The following KIF27 variants were observed in gnomAD, a reference collection of about 807,000 sequenced individuals.
KIF27 encodes kinesin-like protein KIF27.
KIF27 carries 84 observed loss-of-function variants against 141.8 expected under a neutral mutation model. That is an observed-to-expected ratio of 0.59 (90% CI 0.50 to 0.71). The LOEUF is 0.71. Ranked by LOEUF, KIF27 falls within the 30% of genes least tolerant of loss-of-function variation. The probability of loss-of-function intolerance (pLI) is 0.00; values close to 1 mark genes in which losing one functional copy is unlikely to be tolerated. For missense variants in KIF27, 1,306 were observed against 1,628.4 expected (o/e 0.80, Z 3.41); for synonymous variants, 471 against 569.5 (o/e 0.83, Z 2.46).
intron 11 of KIF27, among the ~76,000 whole-genome samples, chr9:83,873,385 T>C (rs1950953183): frequency 6.6e-6 from 1 of 152,204 alleles, no homozygotes; most frequent in South Asian, 2.1e-4. Context: ...CTGAGCCTTC[T>C]TATTCAAAAG....
At chr9:83,918,403 G>A (rs548755667) in intron 1 of KIF27, among the ~76,000 whole-genome samples, 2 of 151,924 alleles carry the variant, frequency 1.3e-5, no homozygotes, top group South Asian at 2.1e-4. Flanking sequence ...TTTGTGCCTC[G>A]AAGGAAACTA....
rs1206333297 is a variant in KIF27, at chr9:83,842,232, C to G, written c.3721+5G>C. The G allele has an allele frequency of 1.4e-5, 22 of 1,540,796 alleles. No individual in the cohort carries two copies. Among genetic ancestry groups the G allele is most frequent in the Non-Finnish European group, 1.9e-5 (22 of 1,153,348 alleles). ...TGTTAAGAGTGACAACACTAAAAGT[C>G]TTACACTCTGATGGTGCTAGTTGCC... On this transcript the variant is annotated splice_donor_5th_base_variant and intron_variant, in intron 17 of 17. Coordinates refer to ENST00000297814, the MANE Select transcript of KIF27 (RefSeq NM_017576.4).
At chr9:83,917,650 T>C (rs375727208) in intron 1 of KIF27, among the ~76,000 whole-genome samples, 2 of 152,240 alleles carry the variant, frequency 1.3e-5, no homozygotes, top group East Asian at 3.9e-4. Context: ...AAATAAACCC[T>C]CACATTCATG....
Position 83,848,271 on chromosome 9 carries a change from A to ATATAT in KIF27, c.3556+1827_3556+1828insATATA, listed in dbSNP as rs1947940741. Among the ~76,000 whole-genome samples, 10 of 110,250 alleles carry ATATAT rather than the reference A, an allele frequency of 9.1e-5. 2 individuals are homozygous for ATATAT. Among genetic ancestry groups the ATATAT allele is most frequent in the South Asian group, 2.6e-4 (1 of 3,834 alleles). 72.3% of individuals were successfully genotyped at this position (110,250 alleles called of 152,430 possible). Reference sequence around the variant, plus strand: ...TCAGATATGATATATATGATATATCAGATATGATATATATGATATATCAGA... The same window carrying ATATAT: ...TCAGATATGATATATATGATATATCATATATGATATGATATATATGATATATCAGA... On this transcript the variant is annotated intron_variant, in intron 16 of 17. Coordinates refer to ENST00000297814, the MANE Select transcript of KIF27 (RefSeq NM_017576.4).
chr9:83,881,542 T>G, intron 10 of KIF27, among the ~76,000 whole-genome samples: 1 of 152,244 alleles, frequency 6.6e-6, no homozygotes, highest in Non-Finnish European at 1.5e-5. Context: ...CAATTTGCAC[T>G]CCTCAGCATA....
chr9:83,869,682 A>T (rs111929152), intron 12 of KIF27, among the ~76,000 whole-genome samples: 1 of 152,124 alleles, frequency 6.6e-6, no homozygotes, highest in African/African-American at 2.4e-5. Context: ...AGCTGAGATC[A>T]TGCCACAGCA....
intron 14 of KIF27, among the ~76,000 whole-genome samples, chr9:83,856,937 A>G (rs1230993031): frequency 6.6e-6 from 1 of 151,420 alleles, no homozygotes; most frequent in African/African-American, 2.4e-5. Context: ...TGTTCTCATC[A>G]TAAAATGAGA....
chr9:83,919,472 G>T (rs974311955), intron 1 of KIF27, among the ~76,000 whole-genome samples: 4 of 152,134 alleles, frequency 2.6e-5, no homozygotes, highest in Non-Finnish European at 4.4e-5. Context: ...TTGAGGTGAG[G>T]TTAGGTTCTT....
intron 1 of KIF27, among the ~76,000 whole-genome samples, chr9:83,917,630 G>A (rs988139698): frequency 1.3e-5 from 2 of 152,152 alleles, no homozygotes; most frequent in African/African-American, 2.4e-5. Context: ...GAATAGAATT[G>A]AGAATCCAGA....
At chr9:83,858,618 T>A (rs1453023902) in intron 14 of KIF27, 3 of 152,730 alleles carry the variant, frequency 2.0e-5, no homozygotes, top group South Asian at 2.1e-4. Flanking sequence ...ACTATAGTTT[T>A]AAAAAAACTG....
At position 83,915,534 on chromosome 9, in the gene KIF27, C is replaced by T. The variant is rs1955600144; in HGVS notation, c.58G>A (p.Ala20Thr). The change falls in exon 2 of 18, where the codon GCT becomes ACT. Residue 20 changes from alanine to threonine, a missense_variant. Coordinates refer to ENST00000297814, the MANE Select transcript of KIF27 (RefSeq NM_017576.4). Reference protein sequence around the residue: ...VRIRPLLCKEALHNHQVCVRV... With the variant: ...VRIRPLLCKETLHNHQVCVRV... ...ACACAAACTTGATGATTATGAAGAG[C>T]TTCTTTGCAAAGCAGAGGTCTAATT... The T allele has an allele frequency of 6.2e-7, 1 of 1,613,662 alleles. No homozygotes were observed. Among genetic ancestry groups the T allele is most frequent in the East Asian group, 2.2e-5 (1 of 44,850 alleles).
intron 16 of KIF27, 103 bp downstream of exon 16, chr9:83,849,996 A>T (rs1948353902): frequency 9.7e-7 from 1 of 1,029,026 alleles, no homozygotes; most frequent in Admixed American, 2.1e-5. Flanking sequence ...AGTAGCAACT[A>T]TTTAAACATG....
intron 11 of KIF27, among the ~76,000 whole-genome samples, chr9:83,875,246 C>T (rs1461483223): frequency 6.6e-6 from 1 of 152,198 alleles, no homozygotes; most frequent in Admixed American, 6.5e-5. Context: ...TAAAGATATA[C>T]TCTGAAGGCT....
intron 17 of KIF27, among the ~76,000 whole-genome samples, chr9:83,841,429 T>C (rs1004722289): frequency 2.0e-5 from 3 of 152,226 alleles, no homozygotes; most frequent in Admixed American, 6.5e-5. Context: ...CATATTATTT[T>C]TCACTGGTCT....
intron 4 of KIF27, 107 bp from the exon 5 acceptor site, chr9:83,899,911 T>C: frequency 2.2e-6 from 2 of 912,206 alleles, no homozygotes; most frequent in Non-Finnish European, 3.1e-6. Context: ...TGATGTCTCA[T>C]AAATTTTTTT....
chr9:83,842,264 T>C lies in KIF27; in HGVS notation c.3694A>G (p.Ile1232Val). The change falls in exon 17 of 18, where the codon ATT becomes GTT. Residue 1232 changes from isoleucine (I) to valine (V), a missense_variant. Coordinates refer to ENST00000297814, the MANE Select transcript of KIF27 (RefSeq NM_017576.4). ...KKLKELVGEA[I>V]RRQLAPSEYQ... ...TCTGATGGTGCTAGTTGCCGCCGAA[T>C]TGCTTCCCCTACCAGTTCCTTAAGT... The C allele has an allele frequency of 3.8e-6, 6 of 1,565,438 alleles. No individual in the cohort carries two copies. The highest frequency in any genetic ancestry group is 1.2e-5 in the South Asian group (1 of 82,706).
Position 83,891,391 on chromosome 9 carries a change from T to C in KIF27, c.1713A>G (p.Pro571=). The change falls in exon 6 of 18, where the codon CCA becomes CCG. Residue 571 remains proline (P), a synonymous_variant. Coordinates refer to ENST00000297814, the MANE Select transcript of KIF27 (RefSeq NM_017576.4). ...SSAKENCGDG[P]DARIPERRPY... ...GTCTCCTTTCAGGGATCCTGGCATC[T>C]GGCCCATCTCCACAATTTTCTTTAG... 1 of 1,613,946 alleles carries C rather than the reference T, an allele frequency of 6.2e-7. No homozygotes were observed.
intron 11 of KIF27, among the ~76,000 whole-genome samples, chr9:83,877,904 G>T (rs2132150846): frequency 6.6e-6 from 1 of 152,030 alleles, no homozygotes; most frequent in East Asian, 1.9e-4. Flanking sequence ...ATGAAAAGAT[G>T]CTCAACATCA....
At position 83,897,237 on chromosome 9, in the gene KIF27, A is replaced by G. The variant is rs759799787; in HGVS notation, c.1602+2424T>C. 1.1e-3 allele frequency among the ~76,000 whole-genome samples: 165 copies of G among 152,298 alleles called. 1 individual carries two copies. The highest frequency in any genetic ancestry group is 2.0e-3 in the Non-Finnish European group (138 of 68,000). On this transcript the variant is annotated intron_variant, in intron 5 of 17. Coordinates refer to ENST00000297814, the MANE Select transcript of KIF27 (RefSeq NM_017576.4). Reference sequence around the variant, plus strand: ...TAGACTTATTATAAACCTACAATAAATAAGAAATGTGATCTTGGCTCAAGG... The same window carrying G: ...TAGACTTATTATAAACCTACAATAAGTAAGAAATGTGATCTTGGCTCAAGG...
Sources: gnomAD v4.1 joint callset for allele counts (sites outside exome capture counted in the v4.1 genomes callset) on GRCh38, gnomAD v4.1.1 for gene constraint, MANE v1.5 for transcripts, NCBI Gene and HGNC (gene_info 2026-07-23, HGNC 2026-07-21) for gene names.